The following ANK3 variants were observed in gnomAD, a reference collection of about 807,000 sequenced individuals.
ANK3 encodes the protein ankyrin 3.
In ANK3, 57 loss-of-function variants were observed where a neutral mutation model predicts 370.9. That is an observed-to-expected ratio of 0.15 (90% confidence interval 0.12 to 0.19). ANK3 has a LOEUF of 0.19. Among genes scored for constraint, ANK3 ranks in the 10% least tolerant of loss-of-function variants. The pLI is 1.00. For missense variants in ANK3, 4,439 were observed against 5,302.1 expected (o/e 0.84, Z 5.06); for synonymous variants, 1,929 against 1,946.3 (o/e 0.99, Z 0.23).
chr10:60,526,422 T>C (rs1040111752), intron 2 of ANK3, among the ~76,000 whole-genome samples: 1 of 152,172 alleles, frequency 6.6e-6, no homozygotes, highest in African/African-American at 2.4e-5. Flanking sequence ...TCTGCTTCTA[T>C]ACATTGGAGT....
At chr10:60,398,054 G>A (rs2063278593) in intron 2 of ANK3, among the ~76,000 whole-genome samples, 1 of 152,096 alleles carries the variant, frequency 6.6e-6, no homozygotes, top group African/African-American at 2.4e-5. Context: ...AAATATTTCA[G>A]GCTCCAAAGG....
At chr10:60,512,536 C>T (rs918914346) in intron 2 of ANK3, among the ~76,000 whole-genome samples, 1 of 152,022 alleles carries the variant, frequency 6.6e-6, no homozygotes, top group African/African-American at 2.4e-5. Flanking sequence ...AATTCTTAAG[C>T]AAAATCAATT....
intron 12 of ANK3, among the ~76,000 whole-genome samples, chr10:60,201,949 A>C (rs949280823): frequency 6.6e-6 from 1 of 151,872 alleles, no homozygotes; most frequent in Non-Finnish European, 1.5e-5. Flanking sequence ...TCCCGTCCTT[A>C]AGTGATCCAC....
At chr10:60,648,863 T>TCTGCTC (rs113110006) in intron 1 of ANK3, among the ~76,000 whole-genome samples, 11 of 149,666 alleles carry the variant, frequency 7.3e-5, no homozygotes, top group Non-Finnish European at 1.2e-4. Context: ...CCAAGCTGCT[T>TCTGCTC]CTGCTCCTGC....
At chr10:60,603,719 C>A (rs1357658440) in intron 2 of ANK3, among the ~76,000 whole-genome samples, 2 of 152,062 alleles carry the variant, frequency 1.3e-5, no homozygotes, top group East Asian at 1.9e-4. Context: ...AGTTCAAGAA[C>A]CCAGACTGCA....
intron 25 of ANK3, among the ~76,000 whole-genome samples, chr10:60,119,141 T>C (rs1354540184): frequency 6.6e-6 from 1 of 152,228 alleles, no homozygotes; most frequent in Non-Finnish European, 1.5e-5. Context: ...AGTTTTGTGG[T>C]TTCCTCAGGT....
chr10:60,074,731 T>C lies in ANK3; in HGVS notation c.6150A>G (p.Lys2050=). ...CCTTCTTTGCATCCTCAAACTTGTATTTTAAGTTTGTCAGTGAACTACTCC... is the reference window on the plus strand; with the variant it reads ...CCTTCTTTGCATCCTCAAACTTGTACTTTAAGTTTGTCAGTGAACTACTCC... ...DIGSSSLTNL[K]YKFEDAKKDG... The change falls in exon 37 of 44, where the codon AAA becomes AAG. Residue 2050 remains lysine, a synonymous_variant. Transcript: ENST00000280772. 6.2e-7 allele frequency: 1 copy of C among 1,613,940 alleles called. No homozygotes were observed. The highest frequency in any genetic ancestry group is 1.1e-5 in the South Asian group (1 of 90,980).
chr10:60,311,021 G>T (rs1158130300), intron 1 of ANK3, among the ~76,000 whole-genome samples: 2 of 152,124 alleles, frequency 1.3e-5, no homozygotes, highest in Non-Finnish European at 2.9e-5. Flanking sequence ...AAGGGGGATT[G>T]GGGAGGAGTA....
chr10:60,304,658 T>C (rs2044595315), intron 1 of ANK3, among the ~76,000 whole-genome samples: 1 of 151,882 alleles, frequency 6.6e-6, no homozygotes, highest in African/African-American at 2.4e-5. Flanking sequence ...AAAGAAAAAA[T>C]TGAGTTATAT....
At chr10:60,630,941 G>T (rs1204856864) in intron 1 of ANK3, among the ~76,000 whole-genome samples, 1 of 152,100 alleles carries the variant, frequency 6.6e-6, no homozygotes, top group Non-Finnish European at 1.5e-5. Context: ...TGGCACTGCT[G>T]ACAGCAAGAA....
chr10:60,590,189 C>T (rs947289486), intron 2 of ANK3, among the ~76,000 whole-genome samples: 1 of 152,148 alleles, frequency 6.6e-6, no homozygotes, highest in Non-Finnish European at 1.5e-5. Flanking sequence ...TATCCAATAT[C>T]GTAGCCACCA....
At chr10:60,660,805 T>G (rs74155645) in intron 1 of ANK3, among the ~76,000 whole-genome samples, 8,619 of 152,034 alleles carry the variant, frequency 0.057, 347 homozygotes, top group African/African-American at 0.1. Context: ...CCAATAACAT[T>G]GTATGAGCTC....
intron 8 of ANK3, among the ~76,000 whole-genome samples, chr10:60,233,367 C>CA (rs1423815541): frequency 3.9e-5 from 6 of 152,202 alleles, no homozygotes; most frequent in African/African-American, 1.4e-4. Flanking sequence ...CACAATGCAT[C>CA]ACTCCAAAGA....
chr10:60,071,315 A>G lies in ANK3; in HGVS notation c.9566T>C (p.Leu3189Pro). Reference sequence around the variant, plus strand: ...GGGTTTGCCTGGTATATAAGCTATGAGCGAGTCAGGTGTCTTAGATGTAAA... The same window carrying G: ...GGGTTTGCCTGGTATATAAGCTATGGGCGAGTCAGGTGTCTTAGATGTAAA... Reference protein sequence around the residue: ...YEFTSKTPDSLIAYIPGKPSP... With the variant: ...YEFTSKTPDSPIAYIPGKPSP... Residue 3189 changes from leucine (L) to proline (P), a missense_variant, in exon 37 of 44, where the codon CTC (leucine) becomes CCC (proline). By Grantham distance (98) the Leu-to-Pro change is moderately conservative. This residue lies in a region of ANK3 where 1,601 missense variants were observed against 1,731.7 expected (regional missense o/e 0.92). Coordinates refer to ENST00000280772, the MANE Select transcript of ANK3 (RefSeq NM_020987.5). The G allele has an allele frequency of 6.2e-7, 1 of 1,614,106 alleles. No homozygotes were observed. Among genetic ancestry groups the G allele is most frequent in the Non-Finnish European group, 8.5e-7 (1 of 1,180,006 alleles).
At chr10:60,100,163 C>T (rs962032796) in intron 28 of ANK3, among the ~76,000 whole-genome samples, 3 of 148,028 alleles carry the variant, frequency 2.0e-5, no homozygotes, top group African/African-American at 7.5e-5. Flanking sequence ...CTTTCCAACA[C>T]GATGGACATC....
chr10:60,367,604 A>G (rs750300896), intron 1 of ANK3, among the ~76,000 whole-genome samples: 17 of 152,166 alleles, frequency 1.1e-4, no homozygotes, highest in Non-Finnish European at 2.2e-4. Context: ...CTCTGGGGTG[A>G]TCATCAGCAC....
At chr10:60,484,182 G>A (rs1479895820) in intron 2 of ANK3, among the ~76,000 whole-genome samples, 1 of 152,108 alleles carries the variant, frequency 6.6e-6, no homozygotes, top group African/African-American at 2.4e-5. Context: ...GAAAAACCTG[G>A]AAAAGAAAAA....
At chr10:60,110,942 T>C (rs1481845730) in intron 26 of ANK3, among the ~76,000 whole-genome samples, 3 of 152,106 alleles carry the variant, frequency 2.0e-5, no homozygotes, top group African/African-American at 7.2e-5. Flanking sequence ...GTCTCAACAA[T>C]ATAGAGAGTA....
intron 1 of ANK3, among the ~76,000 whole-genome samples, chr10:60,703,685 C>A (rs1436795065): frequency 6.6e-6 from 1 of 152,008 alleles, no homozygotes; most frequent in East Asian, 1.9e-4. Flanking sequence ...CATAATAGAA[C>A]CAACAGCTAT....
Sources: allele counts gnomAD v4.1 joint callset (sites outside exome capture counted in the v4.1 genomes callset), GRCh38; gene constraint gnomAD v4.1.1; regional missense constraint gnomAD v4.1.1; transcripts MANE v1.5; gene names NCBI Gene and HGNC (gene_info 2026-07-23, HGNC 2026-07-21).